The following TMSB4X variants were observed in gnomAD, a reference collection of about 807,000 sequenced individuals.
The protein encoded by TMSB4X is thymosin beta 4 X-linked.
In TMSB4X, 1 loss-of-function variant was observed where a neutral mutation model predicts 3.6. The ratio of observed to expected loss-of-function variants is 0.28; its 90% CI spans 0.10 to 1.32. TMSB4X has a LOEUF of 1.32. Among genes scored for constraint, TMSB4X ranks in the 40% most tolerant of loss-of-function variants. The probability of loss-of-function intolerance (pLI) is 0.45; values close to 1 mark genes in which losing one functional copy is unlikely to be tolerated. For missense variants in TMSB4X, 6 were observed against 32.7 expected (o/e 0.18, Z 1.99); for synonymous variants, 12 against 14.3 (o/e 0.84, Z 0.36).
chrX:12,976,031 C>T, intron 1 of TMSB4X: 1 of 380,016 alleles, frequency 2.6e-6, no homozygotes, highest in Non-Finnish European at 4.7e-6. Flanking sequence ...CCTCTTTGGT[C>T]CACAGCGTTT....
chrX:12,975,331 A>G (rs1181909726), intron 1 of TMSB4X, 163 bp downstream of exon 1: 1 of 113,290 alleles, frequency 8.8e-6, no homozygotes, highest in Non-Finnish European at 1.9e-5. Context: ...CACCCTAGAT[A>G]CTGGATAATG....
intron 1 of TMSB4X, 126 bp from the exon 2 acceptor site, chrX:12,976,120 A>G: frequency 4.2e-6 from 2 of 472,188 alleles, no homozygotes; most frequent in Non-Finnish European, 7.4e-6. Context: ...GCGGAACGGC[A>G]GCAGTAGGAG....
intron 1 of TMSB4X, 71 bp from the exon 2 acceptor site, chrX:12,976,175 G>T (rs2043295128): frequency 1.3e-6 from 1 of 790,810 alleles, no homozygotes; most frequent in Non-Finnish European, 1.9e-6. Flanking sequence ...GGGCAGAAGT[G>T]CAGTTCCCAG....
intron 1 of TMSB4X, 45 bp downstream of exon 1, chrX:12,975,213 C>A: frequency 8.5e-6 from 1 of 116,996 alleles, no homozygotes. Flanking sequence ...CGTCCTGCCT[C>A]CGTCCCCGCC....
At chrX:12,976,703 A>G in intron 2 of TMSB4X, 74 bp from the exon 3 acceptor site, 1 of 1,111,022 alleles carries the variant, frequency 9.0e-7, no homozygotes, top group East Asian at 3.0e-5. Flanking sequence ...GCTTTAAATG[A>G]AAGCCCTTTA....
At chrX:12,976,422 G>A in intron 2 of TMSB4X, 61 bp downstream of exon 2, 2 of 1,006,313 alleles carry the variant, frequency 2.0e-6, no homozygotes, top group Non-Finnish European at 2.8e-6. Context: ...GTGGGAGGGC[G>A]GGAGGCTGGG....
intron 1 of TMSB4X, 61 bp from the exon 2 acceptor site, chrX:12,976,180 TCCCAG>T (rs984261882): frequency 6.9e-6 from 6 of 863,657 alleles, no homozygotes; most frequent in African/African-American, 2.0e-5. Context: ...GAAGTGCAGT[TCCCAG>T]CCCAGAGACA....
At chrX:12,975,520 C>A (rs1569127684) in intron 1 of TMSB4X, 1 of 113,193 alleles carries the variant, frequency 8.8e-6, no homozygotes, top group Non-Finnish European at 1.9e-5. Flanking sequence ...CTTCCGAGCC[C>A]CGAGCCTCCT....
chrX:12,977,094 ACCAAGCTGGC>A lies in TMSB4X; in HGVS notation c.*289_*298del, dbSNP rs1342079752. 2.8e-6 allele frequency: 1 copy of A among 357,651 alleles called. No individual in the cohort carries two copies. Among genetic ancestry groups the A allele is most frequent in the African/African-American group, 2.7e-5 (1 of 37,325 alleles). The allele number at this position is 357,651 out of a possible 1,213,427, so 29.5% of individuals were successfully genotyped here. On this transcript the variant is annotated 3_prime_UTR_variant, in exon 3 of 3. Transcript: ENST00000451311. ...GGACGACAGTGAAATCTAGAGTAAA[ACCAAGCTGGC>A]CCAAGGTGTCCTGCAGGCTGTAATG... is the stretch of plus-strand genomic sequence containing the variant.
At chrX:12,976,399 G>A (rs745877156) in intron 2 of TMSB4X, 38 bp downstream of exon 2, 1 of 1,146,237 alleles carries the variant, frequency 8.7e-7, no homozygotes, top group East Asian at 3.0e-5. Context: ...GAAAGGCTGG[G>A]TGGGAGCGGC....
chrX:12,976,737 TCTCC>T, intron 2 of TMSB4X, 36 bp from the exon 3 acceptor site: 8 of 1,161,375 alleles, frequency 6.9e-6, no homozygotes, highest in South Asian at 1.9e-5. Context: ...CCTTTAATCA[TCTCC>T]CTCCATCTTT....
chrX:12,976,748 C>CA, intron 2 of TMSB4X, 29 bp from the exon 3 acceptor site: 1 of 1,074,562 alleles, frequency 9.3e-7, no homozygotes, highest in Non-Finnish European at 1.2e-6. Context: ...CTCCCTCCAT[C>CA]TTTTTTTTTT....
intron 1 of TMSB4X, 191 bp from the exon 2 acceptor site, chrX:12,976,055 G>GGA (rs2043294389): frequency 2.5e-6 from 1 of 403,521 alleles, no homozygotes; most frequent in Non-Finnish European, 4.4e-6. Context: ...AATATGGGGA[G>GGA]GAGGGGCGCG....
At chrX:12,975,499 C>G (rs753214284) in intron 1 of TMSB4X, 1 of 113,190 alleles carries the variant, frequency 8.8e-6, no homozygotes, top group African/African-American at 3.2e-5. Flanking sequence ...GTCCTTTGTT[C>G]TGAGGTTCAT....
chrX:12,975,983 C>T (rs2043293892), intron 1 of TMSB4X: 1 of 260,324 alleles, frequency 3.8e-6, no homozygotes, highest in Non-Finnish European at 6.9e-6. Context: ...TGGTCAATTT[C>T]CTTTATTCTG....
In TMSB4X at chrX:12,976,845, C is replaced by T. The variant is rs1234115818; in HGVS notation, c.*34C>T. 1 of 1,164,799 alleles carries T rather than the reference C, an allele frequency of 8.6e-7. No individual in the cohort carries two copies. The highest frequency in any genetic ancestry group is 1.2e-6 in the Non-Finnish European group (1 of 860,776). On this transcript the variant is annotated 3_prime_UTR_variant, in exon 3 of 3. Transcript: ENST00000451311. ...GCGCCGCCAATATGCACTGTACATT[C>T]CACAAGCATTGCCTTCTTATTTTAC...
At chrX:12,976,178 G>C (rs2043295136) in intron 1 of TMSB4X, 68 bp from the exon 2 acceptor site, 2 of 852,410 alleles carry the variant, frequency 2.3e-6, no homozygotes, top group African/African-American at 2.0e-5. Flanking sequence ...CAGAAGTGCA[G>C]TTCCCAGCCC....
intron 2 of TMSB4X, 104 bp from the exon 3 acceptor site, chrX:12,976,673 T>C: frequency 1.1e-6 from 1 of 911,520 alleles, no homozygotes; most frequent in Admixed American, 2.9e-5. Context: ...CCGTGTAGAA[T>C]GTTTATGATT....
chrX:12,976,022 C>G (rs1282748389), intron 1 of TMSB4X: 1 of 351,219 alleles, frequency 2.8e-6, no homozygotes, highest in Non-Finnish European at 5.0e-6. Flanking sequence ...GGCATCCGCC[C>G]TCTTTGGTCC....
Sources: allele counts gnomAD v4.1 joint callset, GRCh38; gene constraint gnomAD v4.1.1; transcripts MANE v1.5; gene names NCBI Gene and HGNC (gene_info 2026-07-23, HGNC 2026-07-21).